Variants in KLK8 observed in about 807,000 individuals in gnomAD.
The protein encoded by KLK8 is kallikrein related peptidase 8.
KLK8 carries 18 observed loss-of-function variants against 26.7 expected under a neutral mutation model. That is an observed-to-expected ratio of 0.67 (90% confidence interval 0.47 to 1.00). The LOEUF is 1.00. Among genes scored for constraint, KLK8 ranks in the 50% least tolerant of loss-of-function variants. The pLI, the probability that KLK8 is intolerant of heterozygous loss-of-function variation, is 0.00. For synonymous variants in KLK8, 137 were observed against 127.1 expected (o/e 1.08, Z -0.52); for missense variants, 301 against 331.7 (o/e 0.91, Z 0.72).
At chr19:50,997,177 A>C (rs927685783) in intron 6 of KLK8, among the ~76,000 whole-genome samples, 1 of 152,134 alleles carries the variant, frequency 6.6e-6, no homozygotes, top group Non-Finnish European at 1.5e-5. Flanking sequence ...TAGAAGAGAG[A>C]GTTATATCTA....
At chr19:50,996,967 T>C (rs1054814158) in intron 6 of KLK8, among the ~76,000 whole-genome samples, 3 of 151,122 alleles carry the variant, frequency 2.0e-5, no homozygotes. Flanking sequence ...ATGGCTGAAA[T>C]ATTTGTGGAA....
chr19:50,996,893 GAC>G (rs368604260), intron 6 of KLK8, among the ~76,000 whole-genome samples: 18,219 of 80,970 alleles, frequency 0.23, 1,222 homozygotes, highest in East Asian at 0.28. Flanking sequence ...GATTCTTATG[GAC>G]ACACACACAC....
intron 2 of KLK8, 150 bp downstream of exon 1, chr19:51,001,382 G>T: frequency 1.8e-6 from 1 of 561,786 alleles, no homozygotes; most frequent in Non-Finnish European, 3.2e-6. Context: ...AGGGAGCTGG[G>T]AGCTGGGACT....
chr19:50,999,748 C>T (rs574949368), intron 5 of KLK8, among the ~76,000 whole-genome samples: 30 of 151,922 alleles, frequency 2.0e-4, no homozygotes, highest in Admixed American at 1.9e-3. Flanking sequence ...TAGGGTAGTG[C>T]TCTCCGCCAT....
chr19:50,998,880 G>A (rs538447324), intron 5 of KLK8: 2 of 152,314 alleles, frequency 1.3e-5, no homozygotes, highest in Non-Finnish European at 2.9e-5. Context: ...TGCAGATAAG[G>A]AAAGTGAGGC....
chr19:50,996,958 T>G (rs2091176008), intron 6 of KLK8, among the ~76,000 whole-genome samples: 1 of 147,696 alleles, frequency 6.8e-6, no homozygotes, highest in Non-Finnish European at 1.5e-5. Flanking sequence ...CAAGAGACCA[T>G]GGCTGAAATA....
intron 5 of KLK8, among the ~76,000 whole-genome samples, 168 bp downstream of exon 4, chr19:50,999,828 T>C (rs1251798577): frequency 2.6e-5 from 4 of 152,026 alleles, no homozygotes; most frequent in Non-Finnish European, 1.5e-5. Flanking sequence ...CTCTTGTTAG[T>C]AGTCAGATCT....
intron 6 of KLK8, among the ~76,000 whole-genome samples, chr19:50,997,265 T>A (rs1413150743): frequency 2.0e-5 from 3 of 152,054 alleles, no homozygotes; most frequent in Non-Finnish European, 4.4e-5. Flanking sequence ...TCCAGCCAAC[T>A]GGGAAGACAC....
chr19:50,996,587 G>T (rs1488071740), intron 6 of KLK8, among the ~76,000 whole-genome samples: 12 of 151,988 alleles, frequency 7.9e-5, no homozygotes, highest in African/African-American at 2.9e-4. Flanking sequence ...ACAAAAACTA[G>T]CTGGGTGTGG....
chr19:50,998,915 A>G (rs1027041641), intron 5 of KLK8: 2 of 152,214 alleles, frequency 1.3e-5, no homozygotes, highest in Admixed American at 1.3e-4. Flanking sequence ...GAATTTGCCC[A>G]GGGAGAAAGG....
chr19:51,000,754 C>T (rs755692014), intron 3 of KLK8, 171 bp from the exon 3 acceptor site: 1 of 1,514,410 alleles, frequency 6.6e-7, no homozygotes, highest in Non-Finnish European at 8.9e-7. Context: ...GTCCATGTGT[C>T]ATCATACAAG....
chr19:50,997,808 C>A, exon 6 of KLK8: 1 of 1,614,100 alleles, frequency 6.2e-7, no homozygotes, highest in Non-Finnish European at 8.5e-7. Context: ...CTGTGATCTG[C>A]CCCGGGTAAG....
At position 50,996,313 on chromosome 19, in the gene KLK8, C is replaced by A. The variant is rs183568945; in HGVS notation, c.628-99G>T. 259 of 1,325,272 alleles carry A rather than the reference C, an allele frequency of 2.0e-4. No homozygotes were observed. In the African/African-American group the frequency reaches 2.8e-3, roughly 15 times the overall value. 82.1% of individuals were successfully genotyped at this position (1,325,272 alleles called of 1,614,324 possible). On this transcript the variant is annotated intron_variant, in intron 6 of 6. Transcript: ENST00000600767. ...TTACCAGTTCTTTGGCATGATTGGT[C>A]CCCTGTAGCCAATGGGGGTAAAAGC...
intron 6 of KLK8, 45 bp from the exon 6 acceptor site, chr19:50,996,259 A>G (rs377175800): frequency 6.3e-7 from 1 of 1,596,228 alleles, no homozygotes; most frequent in Non-Finnish European, 8.6e-7. Flanking sequence ...AGATGTCCAC[A>G]ACGTCCCTTT....
chr19:51,001,151 G>A (rs755993448), exon 3 of KLK8: 1 of 1,613,400 alleles, frequency 6.2e-7, no homozygotes, highest in South Asian at 1.1e-5. Flanking sequence ...GGCCGCACGA[G>A]GTCGGGGGCG....
intron 5 of KLK8, among the ~76,000 whole-genome samples, chr19:50,998,414 C>T (rs1288613108): frequency 2.0e-5 from 3 of 152,140 alleles, no homozygotes; most frequent in African/African-American, 7.2e-5. Flanking sequence ...TCTATTTCTC[C>T]CACCTAGCTT....
intron 6 of KLK8, among the ~76,000 whole-genome samples, 184 bp downstream of exon 5, chr19:50,997,567 G>A (rs1722559): frequency 0.49 from 73,741 of 151,636 alleles, 18,788 homozygotes; most frequent in African/African-American, 0.63. Flanking sequence ...CCTATGCAGT[G>A]TGACTTTCAG....
intron 3 of KLK8, 134 bp from the exon 3 acceptor site, chr19:51,000,717 C>T (rs1378806320): frequency 1.3e-6 from 2 of 1,530,556 alleles, no homozygotes; most frequent in African/African-American, 1.4e-5. Flanking sequence ...GGCTTCCACA[C>T]GCTGCCACAC....
chr19:51,000,830 G>A (rs913127089), intron 3 of KLK8: 2 of 1,099,326 alleles, frequency 1.8e-6, no homozygotes, highest in Admixed American at 2.9e-5. Flanking sequence ...GTACTCCCAG[G>A]TGAATCTATG....
Sources: allele counts gnomAD v4.1 joint callset (sites outside exome capture counted in the v4.1 genomes callset), GRCh38; gene constraint gnomAD v4.1.1; transcripts MANE v1.5; gene names NCBI Gene and HGNC (gene_info 2026-07-23, HGNC 2026-07-21).